Variants in ACTR3C observed in about 807,000 individuals in gnomAD.
The protein encoded by ACTR3C is actin-related protein 3C.
In ACTR3C, 18 loss-of-function variants were observed where a neutral mutation model predicts 26.3. The observed-to-expected ratio is 0.68, with a 90% confidence interval of 0.47 to 1.01. ACTR3C has a LOEUF of 1.01. Among genes scored for constraint, ACTR3C ranks in the 50% least tolerant of loss-of-function variants. The pLI is 0.00. For synonymous variants in ACTR3C, 55 were observed against 94.5 expected, an observed-to-expected ratio of 0.58 and a Z score of 2.42; for missense variants, 184 against 250.7, an observed-to-expected ratio of 0.73 and a Z score of 1.80.
chr7:150,234,522 C>T, the ACTR3C span, among the ~76,000 whole-genome samples: 2 of 152,140 alleles, frequency 1.3e-5, no homozygotes, highest in Non-Finnish European at 2.9e-5. Context: ...GTGTGGGATT[C>T]CAAGAGTGTG....
the ACTR3C span, among the ~76,000 whole-genome samples, chr7:149,921,048 G>A: frequency 3.3e-5 from 5 of 152,236 alleles, no homozygotes; most frequent in African/African-American, 1.2e-4. Context: ...GAGCCACCGT[G>A]CCCGGCCTAT....
chr7:149,982,494 G>A, the ACTR3C span, among the ~76,000 whole-genome samples: 1 of 152,084 alleles, frequency 6.6e-6, no homozygotes, highest in African/African-American at 2.4e-5. Flanking sequence ...TATCCCTGTG[G>A]TATAGACACT....
At chr7:149,966,108 T>C in the ACTR3C span, among the ~76,000 whole-genome samples, 2 of 152,362 alleles carry the variant, frequency 1.3e-5, no homozygotes, top group South Asian at 2.1e-4. Context: ...CGTAGTTGTT[T>C]TGGCGTCTTG....
At chr7:150,105,611 G>A in the ACTR3C span, among the ~76,000 whole-genome samples, 1 of 152,162 alleles carries the variant, frequency 6.6e-6, no homozygotes, top group Non-Finnish European at 1.5e-5. Flanking sequence ...TCTGAGATTT[G>A]TTGTTTTCTG....
At chr7:150,135,998 T>C in the ACTR3C span, among the ~76,000 whole-genome samples, 1 of 152,068 alleles carries the variant, frequency 6.6e-6, no homozygotes, top group African/African-American at 2.4e-5. Context: ...CGAAACCCTG[T>C]CATGATGAAG....
the ACTR3C span, among the ~76,000 whole-genome samples, chr7:150,051,876 C>T: frequency 2.0e-5 from 3 of 152,178 alleles, no homozygotes; most frequent in East Asian, 5.8e-4. Flanking sequence ...AACAAAAGTA[C>T]ATCCATTGAG....
At chr7:150,257,105 A>G (rs1345113013) in intron 6 of ACTR3C, among the ~76,000 whole-genome samples, 1 of 152,270 alleles carries the variant, frequency 6.6e-6, no homozygotes, top group Non-Finnish European at 1.5e-5. Flanking sequence ...AGTTTGTACT[A>G]AAACAAAATG....
the ACTR3C span, among the ~76,000 whole-genome samples, chr7:150,233,984 A>G: frequency 7.2e-5 from 11 of 152,318 alleles, no homozygotes; most frequent in Admixed American, 5.9e-4. Context: ...AATCTGGCTG[A>G]GAATCAAGCT....
chr7:150,258,555 C>A (rs1335271537), intron 6 of ACTR3C, among the ~76,000 whole-genome samples: 1 of 152,230 alleles, frequency 6.6e-6, no homozygotes, highest in Non-Finnish European at 1.5e-5. Flanking sequence ...TCTACAATCT[C>A]CAAGTACATA....
chr7:150,182,414 T>C, the ACTR3C span, among the ~76,000 whole-genome samples: 18 of 151,062 alleles, frequency 1.2e-4, no homozygotes, highest in African/African-American at 4.2e-4. Context: ...ACAGCTTACT[T>C]TAAATTGTGT....
chr7:149,982,324 T>A, the ACTR3C span, among the ~76,000 whole-genome samples: 1 of 152,148 alleles, frequency 6.6e-6, no homozygotes, highest in Non-Finnish European at 1.5e-5. Context: ...AGAAAACTCA[T>A]GAATTGTTTA....
the ACTR3C span, among the ~76,000 whole-genome samples, chr7:150,223,099 C>A: frequency 1.3e-5 from 2 of 152,188 alleles, no homozygotes; most frequent in Admixed American, 1.3e-4. Context: ...TCCCGATAAA[C>A]TACCCCCATA....
At chr7:149,956,374 T>C in the ACTR3C span, among the ~76,000 whole-genome samples, 2 of 152,012 alleles carry the variant, frequency 1.3e-5, no homozygotes, top group Non-Finnish European at 2.9e-5. Flanking sequence ...CTGGGCAACA[T>C]AGTGAGACCT....
chr7:150,077,326 C>G, the ACTR3C span, among the ~76,000 whole-genome samples: 1 of 152,018 alleles, frequency 6.6e-6, no homozygotes, highest in Non-Finnish European at 1.5e-5. Context: ...TGTGTGTGCA[C>G]ACAAGAAACA....
At chr7:150,230,241 A>C in the ACTR3C span, among the ~76,000 whole-genome samples, 6 of 152,140 alleles carry the variant, frequency 3.9e-5, no homozygotes, top group African/African-American at 1.2e-4. Flanking sequence ...AAGAAAGAAA[A>C]AAAGAAACAA....
chr7:149,921,383 C>T, the ACTR3C span, among the ~76,000 whole-genome samples: 1 of 152,250 alleles, frequency 6.6e-6, no homozygotes, highest in East Asian at 1.9e-4. Context: ...GATTTCAGAA[C>T]CACTGGTACT....
downstream of ACTR3C, among the ~76,000 whole-genome samples, chr7:150,243,595 A>C (rs1166479677): frequency 6.6e-6 from 1 of 152,144 alleles, no homozygotes; most frequent in Non-Finnish European, 1.5e-5. Flanking sequence ...TCCTGCAGAT[A>C]CCGAAATCCA....
the ACTR3C span, among the ~76,000 whole-genome samples, chr7:150,226,076 C>A: frequency 1.3e-3 from 199 of 152,370 alleles, 1 homozygote; most frequent in Middle Eastern, 0.041. Context: ...CTACACCACA[C>A]TTTCCCTATC....
At chr7:149,992,552 G>C in the ACTR3C span, among the ~76,000 whole-genome samples, 4,194 of 152,238 alleles carry the variant, frequency 0.028, 192 homozygotes, top group African/African-American at 0.096. Context: ...CTTCCCGTCC[G>C]GGGCAGCTGC....
Sources: allele counts gnomAD v4.1 joint callset (sites outside exome capture counted in the v4.1 genomes callset), GRCh38; gene constraint gnomAD v4.1.1; transcripts MANE v1.5; gene names NCBI Gene and HGNC (gene_info 2026-07-23, HGNC 2026-07-21).